FHAD1: variants seen among roughly 807,000 people sequenced by gnomAD.
The protein encoded by FHAD1 is forkhead-associated domain-containing protein 1.
Under a neutral mutation model 191.3 loss-of-function variants are expected in FHAD1, and 146 were observed. That is an observed-to-expected ratio of 0.76 (90% CI 0.67 to 0.88). FHAD1 has a LOEUF of 0.88. Among genes scored for constraint, FHAD1 ranks in the 40% least tolerant of loss-of-function variants. FHAD1 has a pLI of 0.00. For missense variants in FHAD1, 1,635 were observed against 1,785.8 expected (o/e 0.92, Z 1.52); for synonymous variants, 616 against 672.3 (o/e 0.92, Z 1.29).
At chr1:15,369,145 G>A (rs572933925) in intron 25 of FHAD1, among the ~76,000 whole-genome samples, 2 of 152,270 alleles carry the variant, frequency 1.3e-5, no homozygotes, top group East Asian at 1.9e-4. Flanking sequence ...CACAGCAGGT[G>A]TCTTCAGCCC....
chr1:15,299,803 C>T (rs1306235402), intron 5 of FHAD1, among the ~76,000 whole-genome samples: 2 of 152,220 alleles, frequency 1.3e-5, no homozygotes, highest in Non-Finnish European at 1.5e-5. Flanking sequence ...ATGGAGCCCT[C>T]GGGTAACTCA....
chr1:15,358,159 G>A lies in FHAD1; in HGVS notation c.2612G>A (p.Ser871Asn), dbSNP rs769022137. The change falls in exon 21 of 34, where the codon AGT (serine) becomes AAT (asparagine). Residue 871 changes from serine to asparagine, a missense_variant. Transcript: ENST00000688493. The part of the protein sequence containing the change: ...QKEDVLNNKL[S>N]DALAMVEETQ... ...GAGGACGTTTTAAATAATAAATTAA[G>A]TGACGCACTGGCCATGGTTGAAGAG... 6 of 1,527,952 alleles carry A rather than the reference G, an allele frequency of 3.9e-6. No homozygotes were observed. The African/African-American group carries it at 8.4e-5, about 21-fold the overall frequency. 94.6% of individuals were successfully genotyped at this position (1,527,952 alleles called of 1,614,324 possible). A position where few individuals can be genotyped will look rare whatever the true frequency, so the allele number is the denominator to read the frequency against.
At chr1:15,335,942 C>T (rs948715977) in intron 14 of FHAD1, among the ~76,000 whole-genome samples, 3 of 152,076 alleles carry the variant, frequency 2.0e-5, no homozygotes, top group East Asian at 1.9e-4. Context: ...ACGTTGCAGC[C>T]GAGCAAAATC....
Position 15,272,345 on chromosome 1 carries a change from A to C in FHAD1, c.116A>C (p.His39Pro). ...VLQSPDIDNHHALIEYNEAEC... is the reference protein window; with the variant it reads ...VLQSPDIDNHPALIEYNEAEC... ...CAGTCTCCTGACATCGACAACCACC[A>C]TGCACTCATTGAATATAACGAGGCG... The change falls in exon 3 of 34, where the codon CAT becomes CCT. Residue 39 changes from histidine (H) to proline (P), a missense_variant. Coordinates refer to ENST00000688493, the MANE Select transcript of FHAD1 (RefSeq NM_001391957.1). 1 of 1,551,694 alleles carries C rather than the reference A, an allele frequency of 6.4e-7. No homozygotes were observed. The highest frequency in any genetic ancestry group is 1.4e-5 in the African/African-American group (1 of 73,162).
chr1:15,394,532 C>T (rs1705285430), intron 33 of FHAD1, among the ~76,000 whole-genome samples: 1 of 152,180 alleles, frequency 6.6e-6, no homozygotes, highest in Admixed American at 6.5e-5. Context: ...CTGAAACAAT[C>T]TTGAATGCAG....
rs898459414 is a variant in FHAD1 at position 15,381,356 on chromosome 1, C to G, written c.3927C>G (p.Leu1309=). The G allele has an allele frequency of 3.9e-6, 6 of 1,551,768 alleles. No individual in the cohort carries two copies. The East Asian group carries it at 1.2e-4, about 32-fold the overall frequency. The change falls in exon 30 of 34, where the codon CTC becomes CTG. Residue 1309 remains leucine (L), a synonymous_variant. Coordinates refer to ENST00000688493, the MANE Select transcript of FHAD1 (RefSeq NM_001391957.1). This position sits in a 1 kb window ranked among gnomAD's most constrained non-coding sequence, Gnocchi z 4.6. ...TCAACCAGCTTCGACAAAGGGACCTCGACCTGGTGTTTGATAAGATCACCC... is the reference window on the plus strand; with the variant it reads ...TCAACCAGCTTCGACAAAGGGACCTGGACCTGGTGTTTGATAAGATCACCC... ...EKVNQLRQRD[L]DLVFDKITQL...
chr1:15,379,075 A>G (rs144753538), intron 28 of FHAD1, among the ~76,000 whole-genome samples: 1 of 151,502 alleles, frequency 6.6e-6, no homozygotes, highest in Non-Finnish European at 1.5e-5. Flanking sequence ...GGAACGAGAG[A>G]CTTGGAAAAG....
At chr1:15,310,530 G>T (rs1671950340) in intron 7 of FHAD1, among the ~76,000 whole-genome samples, 1 of 152,162 alleles carries the variant, frequency 6.6e-6, no homozygotes, top group South Asian at 2.1e-4. Context: ...GACAGACCTG[G>T]GCTCAGGTAT....
At chr1:15,356,015 C>T (rs1410418733) in intron 20 of FHAD1, among the ~76,000 whole-genome samples, 1 of 151,284 alleles carries the variant, frequency 6.6e-6, no homozygotes, top group Admixed American at 6.6e-5. Context: ...TTGCCACTAT[C>T]GACATTTTGA....
chr1:15,366,078 G>C, intron 24 of FHAD1, 145 bp downstream of exon 24: 1 of 576,556 alleles, frequency 1.7e-6, no homozygotes, highest in South Asian at 2.2e-5. Context: ...ACAAGGTCAG[G>C]AGTTCAAGAC....
At chr1:15,320,825 G>T (rs1052548664) in intron 10 of FHAD1, among the ~76,000 whole-genome samples, 6 of 152,106 alleles carry the variant, frequency 3.9e-5, no homozygotes, top group African/African-American at 1.4e-4. Context: ...TAATATAATT[G>T]CTGGCATATT....
At chr1:15,399,876 A>G (rs1707016206), downstream of FHAD1, 1 of 152,256 alleles carries the variant, frequency 6.6e-6, no homozygotes, top group Non-Finnish European at 1.5e-5. Flanking sequence ...AAGTCTACTT[A>G]GTCATTGCTC....
intron 2 of FHAD1, 52 bp from the exon 3 acceptor site, chr1:15,272,271 G>T: frequency 3.4e-6 from 5 of 1,491,740 alleles, no homozygotes; most frequent in Non-Finnish European, 4.6e-6. Flanking sequence ...AACATTAGGG[G>T]CCGTGTCATT....
intron 16 of FHAD1, among the ~76,000 whole-genome samples, chr1:15,344,828 G>A (rs959639334): frequency 3.3e-5 from 5 of 152,144 alleles, no homozygotes; most frequent in Admixed American, 2.6e-4. Flanking sequence ...TACTGTCTCC[G>A]TTGTACAGGC....
At chr1:15,300,161 G>T (rs755546714) in intron 5 of FHAD1, among the ~76,000 whole-genome samples, 1 of 152,210 alleles carries the variant, frequency 6.6e-6, no homozygotes, top group Non-Finnish European at 1.5e-5. Flanking sequence ...ATGCGTTCTG[G>T]TGAGAAGTTT....
At chr1:15,274,994 A>G (rs1657704464) in intron 3 of FHAD1, among the ~76,000 whole-genome samples, 1 of 151,724 alleles carries the variant, frequency 6.6e-6, no homozygotes, top group South Asian at 2.1e-4. Context: ...ACGGAGTCTC[A>G]CTCTGTCGCC....
intron 3 of FHAD1, among the ~76,000 whole-genome samples, chr1:15,275,576 G>C (rs1046889416): frequency 6.6e-6 from 1 of 152,154 alleles, no homozygotes; most frequent in East Asian, 1.9e-4. Context: ...GTGACAAAGG[G>C]TCCTTTGCAG....
At chr1:15,373,766 G>A (rs1698790882) in intron 26 of FHAD1, among the ~76,000 whole-genome samples, 1 of 152,196 alleles carries the variant, frequency 6.6e-6, no homozygotes, top group African/African-American at 2.4e-5. Flanking sequence ...AGGATCGCTT[G>A]AGCGCAGAGG....
chr1:15,312,403 G>GT lies in FHAD1; in HGVS notation c.1040-653dup, dbSNP rs1672542675. 6.6e-6 allele frequency among the ~76,000 whole-genome samples: 1 copy of GT among 152,162 alleles called. No homozygotes were observed. Among genetic ancestry groups the GT allele is most frequent in the Non-Finnish European group, 1.5e-5 (1 of 68,028 alleles). ...AGGCTGGGCATTGTGGCTCACATCT[G>GT]TAATCCCAGCACTTTGGGAGACAGA... On this transcript the variant is annotated intron_variant, in intron 7 of 33. Coordinates refer to ENST00000688493, the MANE Select transcript of FHAD1 (RefSeq NM_001391957.1). This position sits in a 1 kb window ranked among gnomAD's most constrained non-coding sequence, Gnocchi z 4.7.
Sources: allele counts gnomAD v4.1 joint callset (sites outside exome capture counted in the v4.1 genomes callset), GRCh38; gene constraint gnomAD v4.1.1; non-coding constraint Gnocchi (gnomAD v3.1); transcripts MANE v1.5; gene names NCBI Gene and HGNC (gene_info 2026-07-23, HGNC 2026-07-21).